The following LRMDA variants were observed in gnomAD, a reference collection of about 807,000 sequenced individuals.
LRMDA encodes leucine rich melanocyte differentiation associated.
LRMDA carries 18 observed loss-of-function variants against 29.8 expected under a neutral mutation model. The ratio of observed to expected loss-of-function variants is 0.60; its 90% CI spans 0.42 to 0.90. The LOEUF (loss-of-function observed/expected upper bound fraction) is 0.90, where lower values mean the gene tolerates loss of function less well. Ranked by LOEUF, LRMDA falls within the 40% of genes least tolerant of loss-of-function variation. The pLI is 0.00. For missense variants in LRMDA, 273 were observed against 273.9 expected (o/e 1.00, Z 0.02); for synonymous variants, 125 against 109.4 (o/e 1.14, Z -0.89).
At chr10:76,221,092 C>A (rs1412909031) in intron 5 of LRMDA, among the ~76,000 whole-genome samples, 2 of 151,922 alleles carry the variant, frequency 1.3e-5, no homozygotes, top group African/African-American at 4.8e-5. Context: ...TAAAAACTCT[C>A]AATAAATTAG....
At chr10:75,435,231 T>G (rs747577) in intron 1 of LRMDA, among the ~76,000 whole-genome samples, 2 of 152,240 alleles carry the variant, frequency 1.3e-5, no homozygotes, top group Non-Finnish European at 2.9e-5. Context: ...GATCTATTAA[T>G]CTCTGTATCC....
intron 2 of LRMDA, among the ~76,000 whole-genome samples, chr10:75,503,322 TGGG>T (rs942569219): frequency 6.6e-6 from 1 of 152,122 alleles, no homozygotes; most frequent in Non-Finnish European, 1.5e-5. Context: ...TTATGCAGTT[TGGG>T]TGTTGTGGCT....
At chr10:75,855,646 C>T (rs1301811514) in intron 2 of LRMDA, among the ~76,000 whole-genome samples, 3 of 152,180 alleles carry the variant, frequency 2.0e-5, no homozygotes, top group Non-Finnish European at 1.5e-5. Context: ...GGCCATGCCT[C>T]TGTCCTGAAT....
At chr10:75,727,435 A>G (rs1363867872) in intron 2 of LRMDA, among the ~76,000 whole-genome samples, 1 of 152,228 alleles carries the variant, frequency 6.6e-6, no homozygotes, top group African/African-American at 2.4e-5. Flanking sequence ...TTAGGGCATC[A>G]TATTAGAAAT....
At chr10:76,540,694 T>C (rs1843344244) in intron 6 of LRMDA, among the ~76,000 whole-genome samples, 1 of 152,210 alleles carries the variant, frequency 6.6e-6, no homozygotes, top group South Asian at 2.1e-4. Context: ...CCTTTCTAAC[T>C]TCTCTGTTGA....
chr10:75,438,487 C>A lies in LRMDA; in HGVS notation c.124C>A (p.Leu42Ile), dbSNP rs138137159. Residue 42 changes from leucine to isoleucine, a missense_variant, in exon 2 of 7, where the codon CTT becomes ATT. By Grantham distance (5) the Leu-to-Ile change is conservative. Coordinates refer to ENST00000611255, the MANE Select transcript of LRMDA (RefSeq NM_001305581.2). ...FAKRLDLSFNLLRSLEGLSAF... is the reference protein window; with the variant it reads ...FAKRLDLSFNILRSLEGLSAF... Reference sequence around the variant, plus strand: ...AAAGAGGCTTGATCTGAGCTTTAACCTTCTGAGGTATGTAACCTTCACAAG... The same window carrying A: ...AAAGAGGCTTGATCTGAGCTTTAACATTCTGAGGTATGTAACCTTCACAAG... 5 of 1,550,516 alleles carry A rather than the reference C, an allele frequency of 3.2e-6. No individual in the cohort carries two copies. In the South Asian group the frequency reaches 4.8e-5, roughly 15 times the overall value.
chr10:76,399,309 G>A (rs750296962), intron 6 of LRMDA, among the ~76,000 whole-genome samples: 16 of 152,294 alleles, frequency 1.1e-4, no homozygotes, highest in South Asian at 2.1e-4. Flanking sequence ...ATCAGTTTTC[G>A]AAGTAGTTGG....
intron 2 of LRMDA, among the ~76,000 whole-genome samples, chr10:75,998,681 C>T (rs548136063): frequency 6.6e-6 from 1 of 152,270 alleles, no homozygotes; most frequent in Non-Finnish European, 1.5e-5. Context: ...GGTGGTGGGA[C>T]CATGAGGCAG....
chr10:76,093,187 G>A (rs558155125), intron 5 of LRMDA, among the ~76,000 whole-genome samples: 168 of 152,006 alleles, frequency 1.1e-3, no homozygotes, highest in Non-Finnish European at 1.6e-3. Flanking sequence ...ACAGGCGCCC[G>A]CCACCATGAC....
intron 5 of LRMDA, among the ~76,000 whole-genome samples, chr10:76,318,042 C>T (rs753508369): frequency 6.6e-6 from 1 of 152,066 alleles, no homozygotes; most frequent in Non-Finnish European, 1.5e-5. Flanking sequence ...TATTAGGTTA[C>T]CAAAAGAAAT....
intron 2 of LRMDA, among the ~76,000 whole-genome samples, chr10:75,789,120 C>A (rs1045411372): frequency 5.3e-5 from 8 of 152,228 alleles, no homozygotes. Context: ...AGGGTGTGAA[C>A]ACTCATTCAG....
chr10:76,448,282 T>A (rs886346911), intron 6 of LRMDA, among the ~76,000 whole-genome samples: 2 of 152,138 alleles, frequency 1.3e-5, no homozygotes, highest in African/African-American at 4.8e-5. Context: ...CATAAAATAA[T>A]CTTCAAAAGC....
intron 5 of LRMDA, 64 bp from the exon 6 acceptor site, chr10:76,324,337 A>G: frequency 7.3e-7 from 1 of 1,376,558 alleles, no homozygotes; most frequent in Non-Finnish European, 1.0e-6. Context: ...AGGTCTGGTA[A>G]ATGAGGGTAT....
At chr10:75,690,988 T>TACAC (rs1476550881) in intron 2 of LRMDA, among the ~76,000 whole-genome samples, 1 of 95,784 alleles carries the variant, frequency 1.0e-5, no homozygotes, top group African/African-American at 4.5e-5. Flanking sequence ...AATATATATA[T>TACAC]ATATATACAC....
chr10:76,154,372 C>T (rs1046798936), intron 5 of LRMDA, among the ~76,000 whole-genome samples: 21 of 152,138 alleles, frequency 1.4e-4, no homozygotes, highest in Admixed American at 3.9e-4. Flanking sequence ...ATAAAAAATA[C>T]AATATTCAGA....
chr10:75,789,112 G>T (rs949168899), intron 2 of LRMDA, among the ~76,000 whole-genome samples: 1 of 152,174 alleles, frequency 6.6e-6, no homozygotes, highest in Non-Finnish European at 1.5e-5. Context: ...ACACATACAG[G>T]GTGTGAACAC....
chr10:76,205,021 G>A (rs1851508539), intron 5 of LRMDA, among the ~76,000 whole-genome samples: 2 of 152,132 alleles, frequency 1.3e-5, no homozygotes, highest in African/African-American at 4.8e-5. Flanking sequence ...ATAATAAGTA[G>A]TCATTTTCAT....
At chr10:75,745,796 C>T (rs1318952107) in intron 2 of LRMDA, among the ~76,000 whole-genome samples, 2 of 152,178 alleles carry the variant, frequency 1.3e-5, no homozygotes, top group Non-Finnish European at 2.9e-5. Flanking sequence ...TTCTGCCGGT[C>T]TGTGACAATT....
At chr10:75,855,194 A>C (rs1043023620) in intron 2 of LRMDA, among the ~76,000 whole-genome samples, 2 of 152,252 alleles carry the variant, frequency 1.3e-5, no homozygotes, top group Non-Finnish European at 2.9e-5. Context: ...ACAGTGTAAA[A>C]GTGTTCCTAT....
Sources: allele counts gnomAD v4.1 joint callset (sites outside exome capture counted in the v4.1 genomes callset), GRCh38; gene constraint gnomAD v4.1.1; transcripts MANE v1.5; gene names NCBI Gene and HGNC (gene_info 2026-07-23, HGNC 2026-07-21).